MARCHF1: variants seen among roughly 807,000 people sequenced by gnomAD.
MARCHF1 encodes membrane associated ring-CH-type finger 1.
A neutral mutation model predicts 54.2 loss-of-function variants in MARCHF1; 40 were observed. The observed-to-expected ratio is 0.74, with a 90% CI of 0.57 to 0.96. MARCHF1 has a LOEUF of 0.96. Ranked by LOEUF, MARCHF1 falls within the 40% of genes least tolerant of loss-of-function variation. MARCHF1 has a pLI of 0.00. For synonymous variants in MARCHF1, 236 were observed against 236.3 expected (o/e 1.00, Z 0.01); for missense variants, 586 against 656.5 (o/e 0.89, Z 1.17).
At chr4:163,849,129 C>T (rs1269666053) in intron 4 of MARCHF1, among the ~76,000 whole-genome samples, 1 of 152,076 alleles carries the variant, frequency 6.6e-6, no homozygotes, top group Non-Finnish European at 1.5e-5. Flanking sequence ...CTGAGAAAGA[C>T]GTGATAGAGT....
Position 164,178,921 on chromosome 4 carries a change from T to C in MARCHF1, c.-322-67259A>G, listed in dbSNP as rs531189617. Among the ~76,000 whole-genome samples, 34 of 152,252 alleles carry C rather than the reference T, an allele frequency of 2.2e-4. 1 individual carries two copies. The highest frequency in any genetic ancestry group is 6.5e-4 in the African/African-American group (27 of 41,544). ...TGAGTTGACAAACCTTGCATCATAG[T>C]TGTTGGTCTTTCTTCCCCTAGAACC... On this transcript the variant is annotated intron_variant, in intron 1 of 9. Transcript: ENST00000514618.
intron 1 of MARCHF1, among the ~76,000 whole-genome samples, chr4:164,169,616 AAT>A (rs1194159618): frequency 6.6e-6 from 1 of 152,130 alleles, no homozygotes; most frequent in African/African-American, 2.4e-5. Flanking sequence ...CCAAAAGAGA[AAT>A]ATATGTTTTT....
chr4:163,708,347 C>G (rs1470199526), intron 4 of MARCHF1, among the ~76,000 whole-genome samples: 1 of 151,946 alleles, frequency 6.6e-6, no homozygotes, highest in Non-Finnish European at 1.5e-5. Context: ...TTATTTTTTT[C>G]CTTTCAGTTA....
chr4:163,589,871 C>T (rs138969985), intron 7 of MARCHF1, among the ~76,000 whole-genome samples: 3 of 152,036 alleles, frequency 2.0e-5, no homozygotes, highest in Non-Finnish European at 4.4e-5. Context: ...GTGACAGCTA[C>T]ATACAAGCTG....
rs1005845616 is a variant in MARCHF1 at position 164,013,496 on chromosome 4, C to T, written c.-247-24787G>A. ...ATTCAAAGAAATAATAACAGAAAAT[C>T]TTCAAAAACTTGGGAAAGATATGAG... On this transcript the variant is annotated intron_variant, in intron 2 of 9. Transcript: ENST00000514618. Among the ~76,000 whole-genome samples, 84 of 152,140 alleles carry T rather than the reference C, an allele frequency of 5.5e-4. 1 individual carries two copies. The highest frequency in any genetic ancestry group is 1.8e-3 in the African/African-American group (75 of 41,538).
At chr4:163,880,790 A>G (rs890184036) in intron 3 of MARCHF1, among the ~76,000 whole-genome samples, 2 of 152,196 alleles carry the variant, frequency 1.3e-5, no homozygotes, top group Non-Finnish European at 2.9e-5. Flanking sequence ...AATTTATTGC[A>G]TAGTGATTTT....
chr4:164,339,307 G>C (rs1203708768), intron 1 of MARCHF1, among the ~76,000 whole-genome samples: 1 of 152,036 alleles, frequency 6.6e-6, no homozygotes, highest in African/African-American at 2.4e-5. Flanking sequence ...CATTCTCAAA[G>C]ACAGATAATA....
intron 2 of MARCHF1, among the ~76,000 whole-genome samples, chr4:163,992,205 C>A (rs1752981121): frequency 6.6e-6 from 1 of 151,362 alleles, no homozygotes; most frequent in Non-Finnish European, 1.5e-5. Flanking sequence ...ACTGAAAATT[C>A]AATTCGATAA....
chr4:164,184,321 T>G (rs1404632313), intron 1 of MARCHF1, among the ~76,000 whole-genome samples: 1 of 152,166 alleles, frequency 6.6e-6, no homozygotes, highest in Non-Finnish European at 1.5e-5. Flanking sequence ...GAAAACAGTA[T>G]CTCCCTCAAA....
At chr4:163,963,884 T>C (rs1022475291) in intron 3 of MARCHF1, among the ~76,000 whole-genome samples, 1 of 151,924 alleles carries the variant, frequency 6.6e-6, no homozygotes, top group African/African-American at 2.4e-5. Flanking sequence ...AGTCCAACTT[T>C]TGGAGTTCTC....
chr4:163,941,395 A>T (rs184187820), intron 3 of MARCHF1, among the ~76,000 whole-genome samples: 24 of 152,280 alleles, frequency 1.6e-4, no homozygotes, highest in African/African-American at 5.3e-4. Flanking sequence ...GAACATGAGT[A>T]AACGTTGAGT....
chr4:163,742,698 G>A (rs1003590770), intron 4 of MARCHF1, among the ~76,000 whole-genome samples: 10 of 151,688 alleles, frequency 6.6e-5, no homozygotes, highest in African/African-American at 1.5e-4. Context: ...GGTTAGTCTC[G>A]AACTCCTAGG....
At chr4:164,295,554 T>C (rs942071846) in intron 1 of MARCHF1, among the ~76,000 whole-genome samples, 16 of 152,294 alleles carry the variant, frequency 1.1e-4, no homozygotes, top group Admixed American at 9.8e-4. Context: ...CACAAGATTT[T>C]GTTTGAACTG....
chr4:163,869,431 G>A (rs1750123183), intron 3 of MARCHF1, among the ~76,000 whole-genome samples: 1 of 152,038 alleles, frequency 6.6e-6, no homozygotes, highest in South Asian at 2.1e-4. Flanking sequence ...CATCCAGTGG[G>A]CTGCATAAAT....
At chr4:164,034,803 C>G (rs1460074060) in intron 2 of MARCHF1, among the ~76,000 whole-genome samples, 1 of 152,140 alleles carries the variant, frequency 6.6e-6, no homozygotes, top group African/African-American at 2.4e-5. Flanking sequence ...TTGTATGTAA[C>G]ACTTTTTACT....
At chr4:164,161,274 C>A (rs1469220201) in intron 1 of MARCHF1, among the ~76,000 whole-genome samples, 1 of 152,060 alleles carries the variant, frequency 6.6e-6, no homozygotes, top group African/African-American at 2.4e-5. Flanking sequence ...TGTGCTCCAG[C>A]CATGGGGTGT....
At chr4:164,330,853 T>G (rs558617362) in intron 1 of MARCHF1, among the ~76,000 whole-genome samples, 103 of 152,332 alleles carry the variant, frequency 6.8e-4, no homozygotes, top group Non-Finnish European at 1.4e-3. Flanking sequence ...ATGCTACACC[T>G]AAATTTATTG....
intron 3 of MARCHF1, among the ~76,000 whole-genome samples, chr4:163,944,408 A>G (rs924987976): frequency 6.6e-6 from 1 of 152,110 alleles, no homozygotes; most frequent in Non-Finnish European, 1.5e-5. Flanking sequence ...CTGATGTCAC[A>G]CCTTTTGTGG....
intron 2 of MARCHF1, among the ~76,000 whole-genome samples, chr4:164,052,037 A>G (rs1427056718): frequency 6.6e-6 from 1 of 152,230 alleles, no homozygotes; most frequent in Non-Finnish European, 1.5e-5. Context: ...ATAAACAGCA[A>G]AAGTCAAACA....
Sources: gnomAD v4.1 joint callset for allele counts (sites outside exome capture counted in the v4.1 genomes callset) on GRCh38, gnomAD v4.1.1 for gene constraint, MANE v1.5 for transcripts, NCBI Gene and HGNC (gene_info 2026-07-23, HGNC 2026-07-21) for gene names.